The following DPP10 variants were observed in gnomAD, a reference collection of about 807,000 sequenced individuals.
The protein encoded by DPP10 is dipeptidyl peptidase like 10.
DPP10 carries 33 observed loss-of-function variants against 120.9 expected under a neutral mutation model. The observed-to-expected ratio is 0.27, with a 90% CI of 0.21 to 0.37. DPP10 has a LOEUF of 0.37. Among genes scored for constraint, DPP10 ranks in the 10% least tolerant of loss-of-function variants. The pLI, the probability that DPP10 is intolerant of heterozygous loss-of-function variation, is 1.00. For missense variants in DPP10, 816 were observed against 942.8 expected (o/e 0.87, Z 1.76); for synonymous variants, 337 against 326.1 (o/e 1.03, Z -0.36).
intron 1 of DPP10, among the ~76,000 whole-genome samples, chr2:114,837,925 A>G (rs1263454567): frequency 2.6e-5 from 4 of 152,246 alleles, no homozygotes; most frequent in African/African-American, 9.6e-5. Flanking sequence ...CAGTCAGAGT[A>G]GAATAAGCTA....
chr2:114,519,983 AT>A (rs5833547), intron 1 of DPP10, among the ~76,000 whole-genome samples: 90,521 of 152,008 alleles, frequency 0.6, 27,524 homozygotes, highest in Middle Eastern at 0.69. Flanking sequence ...TAGCACGTAT[AT>A]TTCTGCTTTC....
At chr2:114,948,135 T>A (rs1697505710) in intron 1 of DPP10, among the ~76,000 whole-genome samples, 1 of 152,100 alleles carries the variant, frequency 6.6e-6, no homozygotes, top group Admixed American at 6.5e-5. Flanking sequence ...TTTTATTTCC[T>A]TATCCCTTCC....
chr2:115,471,431 T>C (rs1283442305), intron 3 of DPP10, among the ~76,000 whole-genome samples: 1 of 152,146 alleles, frequency 6.6e-6, no homozygotes, highest in Non-Finnish European at 1.5e-5. Context: ...ACGAATTCCT[T>C]AGAATAGTAT....
chr2:114,996,363 G>A (rs939187871), intron 1 of DPP10, among the ~76,000 whole-genome samples: 9 of 152,118 alleles, frequency 5.9e-5, no homozygotes, highest in Admixed American at 2.0e-4. Flanking sequence ...ATTACCAAGA[G>A]CATGGAGAGT....
chr2:114,990,836 C>T (rs556537971), intron 1 of DPP10, among the ~76,000 whole-genome samples: 3 of 152,236 alleles, frequency 2.0e-5, no homozygotes, highest in East Asian at 1.9e-4. Flanking sequence ...AACTTGCTGT[C>T]GCTGATAGTC....
chr2:114,823,549 C>T (rs1210663790), intron 1 of DPP10, among the ~76,000 whole-genome samples: 1 of 152,090 alleles, frequency 6.6e-6, no homozygotes, highest in Non-Finnish European at 1.5e-5. Context: ...TGAAAAAGAC[C>T]AAAATTCCCC....
At chr2:115,712,922 A>G (rs919226737) in intron 7 of DPP10, among the ~76,000 whole-genome samples, 35 of 152,112 alleles carry the variant, frequency 2.3e-4, no homozygotes, top group African/African-American at 7.5e-4. Flanking sequence ...CTATACAAAA[A>G]GAGGAACAGA....
intron 1 of DPP10, among the ~76,000 whole-genome samples, chr2:114,831,996 T>G (rs974226867): frequency 2.0e-5 from 3 of 151,002 alleles, no homozygotes; most frequent in African/African-American, 7.4e-5. Context: ...ATATTTTAAT[T>G]AAGAACAATG....
At chr2:115,629,237 C>G (rs1332228495) in intron 5 of DPP10, among the ~76,000 whole-genome samples, 2 of 152,094 alleles carry the variant, frequency 1.3e-5, no homozygotes, top group African/African-American at 2.4e-5. Flanking sequence ...TGGGTTGGTT[C>G]CAAGTCTTTG....
chr2:114,638,073 G>A (rs1460650833), intron 1 of DPP10, among the ~76,000 whole-genome samples: 3 of 151,828 alleles, frequency 2.0e-5, no homozygotes, highest in African/African-American at 7.3e-5. Context: ...ATTGCTTTGG[G>A]CAGTATGGCC....
intron 5 of DPP10, among the ~76,000 whole-genome samples, chr2:115,577,216 A>G (rs181844492): frequency 6.6e-6 from 1 of 152,292 alleles, no homozygotes. Flanking sequence ...AGTCTAGAGG[A>G]AGATGCTGCG....
chr2:115,452,532 G>A (rs886669479), intron 3 of DPP10, among the ~76,000 whole-genome samples: 1 of 151,884 alleles, frequency 6.6e-6, no homozygotes, highest in African/African-American at 2.4e-5. Flanking sequence ...GTATTCTCCT[G>A]TATTCTGAGA....
intron 5 of DPP10, among the ~76,000 whole-genome samples, chr2:115,533,663 G>A (rs1435703963): frequency 1.3e-5 from 2 of 151,966 alleles, no homozygotes; most frequent in Non-Finnish European, 2.9e-5. Flanking sequence ...AATTATCTAG[G>A]CTGTTAAAAT....
At chr2:114,601,464 G>GT (rs1389945590) in intron 1 of DPP10, among the ~76,000 whole-genome samples, 3 of 151,774 alleles carry the variant, frequency 2.0e-5, no homozygotes, top group Non-Finnish European at 2.9e-5. Flanking sequence ...TTACAGTTGT[G>GT]TTTTTTTCTT....
intron 1 of DPP10, among the ~76,000 whole-genome samples, chr2:115,114,002 G>A (rs1047366433): frequency 6.6e-6 from 1 of 152,134 alleles, no homozygotes; most frequent in Non-Finnish European, 1.5e-5. Flanking sequence ...CTGCAAGTCT[G>A]ACTACTAAAA....
At chr2:114,838,577 A>G (rs957343716) in intron 1 of DPP10, among the ~76,000 whole-genome samples, 4 of 152,122 alleles carry the variant, frequency 2.6e-5, no homozygotes, top group African/African-American at 7.2e-5. Context: ...GATTACAGGT[A>G]TGAGCCACTG....
chr2:114,532,379 A>G (rs1436818059), intron 1 of DPP10, among the ~76,000 whole-genome samples: 2 of 150,144 alleles, frequency 1.3e-5, no homozygotes, highest in Admixed American at 1.3e-4. Context: ...ATATATACAC[A>G]CATATTCTCT....
chr2:114,983,279 A>G (rs1700197612), intron 1 of DPP10, among the ~76,000 whole-genome samples: 1 of 152,176 alleles, frequency 6.6e-6, no homozygotes, highest in Non-Finnish European at 1.5e-5. Context: ...AAAGTTTGAC[A>G]CATTCTAGAT....
intron 1 of DPP10, among the ~76,000 whole-genome samples, chr2:115,271,872 C>A (rs921430999): frequency 1.3e-5 from 2 of 152,010 alleles, no homozygotes; most frequent in African/African-American, 4.8e-5. Flanking sequence ...GAAATTGGCA[C>A]CATCTAAAAA....
Sources: allele counts gnomAD v4.1 joint callset (sites outside exome capture counted in the v4.1 genomes callset), GRCh38; gene constraint gnomAD v4.1.1; transcripts MANE v1.5; gene names NCBI Gene and HGNC (gene_info 2026-07-23, HGNC 2026-07-21).